Variants in RANBP2 observed in about 807,000 individuals in gnomAD.
RANBP2 encodes E3 SUMO-protein ligase RanBP2.
A neutral mutation model predicts 303.6 loss-of-function variants in RANBP2; 57 were observed. That is an observed-to-expected ratio of 0.19 (90% confidence interval 0.15 to 0.23). The LOEUF (loss-of-function observed/expected upper bound fraction) is 0.23. RANBP2 is among the 10% of genes least tolerant of loss of function. RANBP2 has a pLI of 1.00. For synonymous variants in RANBP2, 1,167 were observed against 1,301.5 expected (o/e 0.90, Z 2.23); for missense variants, 3,138 against 3,780.8 (o/e 0.83, Z 4.46).
chr2:108,807,160 G>T, the RANBP2 span, among the ~76,000 whole-genome samples: 4 of 152,110 alleles, frequency 2.6e-5, no homozygotes, highest in African/African-American at 9.7e-5. Flanking sequence ...GCATACTTGC[G>T]AGTGATCCAG....
the RANBP2 span, among the ~76,000 whole-genome samples, chr2:109,576,771 T>C: frequency 6.6e-6 from 1 of 152,184 alleles, no homozygotes; most frequent in Non-Finnish European, 1.5e-5. Context: ...TAATATGCCA[T>C]TCTTTCATAC....
the RANBP2 span, among the ~76,000 whole-genome samples, chr2:109,760,982 C>A: frequency 7.5e-6 from 1 of 132,936 alleles, no homozygotes; most frequent in Non-Finnish European, 1.6e-5. Context: ...TCCTGTTCGC[C>A]TCCCTCGCGG....
At chr2:108,893,072 G>C in the RANBP2 span, among the ~76,000 whole-genome samples, 5 of 152,126 alleles carry the variant, frequency 3.3e-5, no homozygotes, top group African/African-American at 1.2e-4. Context: ...ATAAAAGAAG[G>C]GTCACCTAAT....
chr2:109,342,215 C>T, the RANBP2 span, among the ~76,000 whole-genome samples: 407 of 152,298 alleles, frequency 2.7e-3, 1 homozygote, highest in African/African-American at 9.2e-3. Flanking sequence ...TTCCCCATTC[C>T]GCCAGGCCCA....
the RANBP2 span, among the ~76,000 whole-genome samples, chr2:109,012,725 C>T: frequency 0.76 from 114,848 of 152,090 alleles, 43,815 homozygotes; most frequent in East Asian, 1. Flanking sequence ...CCATCCTGGC[C>T]AACACGGTGA....
chr2:108,897,755 A>G, the RANBP2 span, among the ~76,000 whole-genome samples: 1 of 152,218 alleles, frequency 6.6e-6, no homozygotes, highest in African/African-American at 2.4e-5. Flanking sequence ...AGACTCACCT[A>G]GGAGCATTTA....
chr2:109,584,979 T>G, the RANBP2 span: 2 of 422,270 alleles, frequency 4.7e-6, no homozygotes, highest in Non-Finnish European at 8.3e-6. Flanking sequence ...GAACAAAATA[T>G]TGTTTAATTA....
the RANBP2 span, chr2:109,733,179 T>TAAAA: frequency 3.4e-5 from 5 of 146,178 alleles, no homozygotes; most frequent in Admixed American, 8.6e-5. Context: ...CTAGGTCAAA[T>TAAAA]GAAAAAAAAA....
At chr2:109,725,364 G>A in the RANBP2 span, among the ~76,000 whole-genome samples, 2 of 152,224 alleles carry the variant, frequency 1.3e-5, no homozygotes, top group Admixed American at 1.3e-4. Flanking sequence ...GGAAGAGAAG[G>A]AGCTAGTGCC....
At chr2:108,768,890 G>A (rs544493359) in intron 20 of RANBP2, among the ~76,000 whole-genome samples, 4 of 152,120 alleles carry the variant, frequency 2.6e-5, no homozygotes, top group Admixed American at 6.5e-5. Flanking sequence ...AAAATGAGCC[G>A]GGCGTCGTGG....
chr2:108,799,076 A>G, the RANBP2 span, among the ~76,000 whole-genome samples: 4 of 152,098 alleles, frequency 2.6e-5, no homozygotes, highest in African/African-American at 7.2e-5. Context: ...TGTTTGATCA[A>G]GCAACTAGAC....
chr2:108,889,567 T>C, the RANBP2 span, among the ~76,000 whole-genome samples: 75 of 150,920 alleles, frequency 5.0e-4, 1 homozygote, highest in African/African-American at 1.8e-3. Context: ...TTTTTTTTTT[T>C]CACTGTTTTT....
chr2:109,240,526 G>T, the RANBP2 span, among the ~76,000 whole-genome samples: 1 of 152,114 alleles, frequency 6.6e-6, no homozygotes, highest in Non-Finnish European at 1.5e-5. Context: ...CAGAGTCAGG[G>T]TTGGGCTTGA....
the RANBP2 span, among the ~76,000 whole-genome samples, chr2:108,970,685 C>T: frequency 2.6e-5 from 4 of 152,214 alleles, no homozygotes; most frequent in East Asian, 1.9e-4. Flanking sequence ...TTGGAGAAGA[C>T]AGAAAAACCA....
At chr2:109,044,440 G>A in the RANBP2 span, among the ~76,000 whole-genome samples, 5 of 151,954 alleles carry the variant, frequency 3.3e-5, no homozygotes, top group South Asian at 2.1e-4. Context: ...GGAGAATGGC[G>A]TGAACCTGGG....
the RANBP2 span, chr2:108,896,269 A>G: frequency 6.6e-6 from 1 of 152,588 alleles, no homozygotes; most frequent in Admixed American, 6.5e-5. Flanking sequence ...AGTTATCCTA[A>G]TGAAACCACA....
At chr2:108,746,939 G>A in intron 8 of RANBP2, 141 bp downstream of exon 8, 3 of 1,286,342 alleles carry the variant, frequency 2.3e-6, no homozygotes, top group Non-Finnish European at 3.2e-6. Flanking sequence ...AGAGCAATAG[G>A]TATGGAAGAG....
the RANBP2 span, among the ~76,000 whole-genome samples, chr2:109,645,331 T>C: frequency 6.6e-6 from 1 of 152,210 alleles, no homozygotes; most frequent in African/African-American, 2.4e-5. Context: ...GCAAGGAGTC[T>C]TAGAATTGGC....
the RANBP2 span, among the ~76,000 whole-genome samples, chr2:109,290,790 A>G: frequency 6.6e-6 from 1 of 152,202 alleles, no homozygotes. Context: ...GAGCCTTTAC[A>G]ACACAGCACT....
Sources: allele counts gnomAD v4.1 joint callset (sites outside exome capture counted in the v4.1 genomes callset), GRCh38; gene constraint gnomAD v4.1.1; transcripts MANE v1.5; gene names NCBI Gene and HGNC (gene_info 2026-07-23, HGNC 2026-07-21).